Variants in CUL4A observed in about 807,000 individuals in gnomAD.
CUL4A encodes the protein cullin 4A.
A neutral mutation model predicts 95.5 loss-of-function variants in CUL4A; 16 were observed. The observed-to-expected ratio is 0.17, with a 90% CI of 0.11 to 0.25. CUL4A has a LOEUF of 0.25. Among genes scored for constraint, CUL4A ranks in the 10% least tolerant of loss-of-function variants. The probability of loss-of-function intolerance (pLI) is 1.00; values close to 1 mark genes in which losing one functional copy is unlikely to be tolerated. For missense variants in CUL4A, 610 were observed against 937.0 expected, an observed-to-expected ratio of 0.65 and a Z score of 4.56; for synonymous variants, 380 against 353.1, an observed-to-expected ratio of 1.08 and a Z score of -0.85.
Position 113,218,925 on chromosome 13 carries a change from T to C in CUL4A, c.265-20T>C, listed in dbSNP as rs746688646. 11 of 1,528,896 alleles carry C rather than the reference T, an allele frequency of 7.2e-6. No homozygotes were observed. The highest frequency in any genetic ancestry group is 3.4e-4 in the Middle Eastern group (2 of 5,880). The allele number at this position is 1,528,896 out of a possible 1,614,324, so 94.7% of individuals were successfully genotyped here. A position where few individuals can be genotyped will look rare whatever the true frequency, so the allele number is the denominator to read the frequency against. ...TCTGTTGTTCATACTGAAGAATTGA[T>C]GTAGCCCTTTTGTTTGCAGGCTGTG... On this transcript the variant is annotated intron_variant, in intron 2 of 19. Transcript: ENST00000375440.
chr13:113,226,093 T>G (rs1356478518), intron 3 of CUL4A, among the ~76,000 whole-genome samples: 1 of 152,204 alleles, frequency 6.6e-6, no homozygotes, highest in Non-Finnish European at 1.5e-5. Flanking sequence ...TTATTCCTCC[T>G]CAGGCTCTGC....
At chr13:113,232,188 TGC>T (rs756339052) in intron 5 of CUL4A, among the ~76,000 whole-genome samples, 4,718 of 7,894 alleles carry the variant, frequency 0.6, 2,108 homozygotes, top group Non-Finnish European at 0.79. Flanking sequence ...CCATTACTGC[TGC>T]CACCACTACC....
At chr13:113,217,203 G>A (rs2040726357) in intron 2 of CUL4A, among the ~76,000 whole-genome samples, 1 of 152,150 alleles carries the variant, frequency 6.6e-6, no homozygotes, top group Non-Finnish European at 1.5e-5. Flanking sequence ...AATTATGTTT[G>A]TGGGATTCAC....
intron 5 of CUL4A, among the ~76,000 whole-genome samples, chr13:113,232,052 C>G (rs987602673): frequency 4.0e-5 from 6 of 150,064 alleles, no homozygotes; most frequent in African/African-American, 1.5e-4. Context: ...CCACTACCCG[C>G]CCACCACCAT....
chr13:113,217,074 G>C (rs1000974174), intron 2 of CUL4A, among the ~76,000 whole-genome samples: 6 of 152,202 alleles, frequency 3.9e-5, no homozygotes, highest in African/African-American at 1.4e-4. Flanking sequence ...ATGGTTTTAA[G>C]GATATTGGTT....
intron 5 of CUL4A, chr13:113,230,146 T>C (rs2041260211): frequency 6.3e-6 from 1 of 158,964 alleles, no homozygotes; most frequent in South Asian, 2.0e-4. Flanking sequence ...GTCTGATTTG[T>C]CTTGTTCTCT....
chr13:113,243,176 T>G lies in CUL4A; in HGVS notation c.1228+16T>G, dbSNP rs199785827. 144 of 1,565,492 alleles carry G rather than the reference T, an allele frequency of 9.2e-5. No individual in the cohort carries two copies. The highest frequency in any genetic ancestry group is 1.4e-4 in the African/African-American group (10 of 73,510). ...GAACTGATCGGTAGAAAAATATTTG[T>G]TTTTTTTGTTTGTTTGTTTTTGAGA... On this transcript the variant is annotated intron_variant, in intron 11 of 19. Transcript: ENST00000375440.
chr13:113,214,706 T>A (rs989691024), intron 2 of CUL4A, among the ~76,000 whole-genome samples: 1 of 152,156 alleles, frequency 6.6e-6, no homozygotes, highest in African/African-American at 2.4e-5. Flanking sequence ...ACGGAGTAGT[T>A]GTCTTCATGA....
chr13:113,249,317 G>A (rs2041933877), intron 15 of CUL4A, among the ~76,000 whole-genome samples: 1 of 143,986 alleles, frequency 6.9e-6, no homozygotes, highest in Admixed American at 7.0e-5. Flanking sequence ...TCCATGCTGT[G>A]CCATACATCA....
intron 18 of CUL4A, among the ~76,000 whole-genome samples, chr13:113,259,407 G>C (rs911813265): frequency 1.3e-5 from 2 of 152,162 alleles, no homozygotes; most frequent in Non-Finnish European, 2.9e-5. Flanking sequence ...CCTTCCCCCA[G>C]CCCTCATTTC....
chr13:113,244,365 C>T (rs750755103), intron 11 of CUL4A, 45 bp from the exon 12 acceptor site: 2 of 1,385,298 alleles, frequency 1.4e-6, no homozygotes, highest in Non-Finnish European at 2.0e-6. Context: ...TGAAGATGCT[C>T]TCTTTTTCTA....
At chr13:113,224,123 T>A (rs958548863) in intron 3 of CUL4A, among the ~76,000 whole-genome samples, 1 of 152,092 alleles carries the variant, frequency 6.6e-6, no homozygotes, top group Non-Finnish European at 1.5e-5. Flanking sequence ...GAGGCCAAGG[T>A]GGGCGGATCA....
At chr13:113,244,556 T>G (rs1355353373) in intron 12 of CUL4A, 42 bp downstream of exon 12, 1 of 1,410,406 alleles carries the variant, frequency 7.1e-7, no homozygotes. Flanking sequence ...AATCAAGAGG[T>G]GTAAACAGGC....
intron 18 of CUL4A, among the ~76,000 whole-genome samples, chr13:113,258,148 C>T (rs1038991080): frequency 6.6e-6 from 1 of 152,068 alleles, no homozygotes; most frequent in African/African-American, 2.4e-5. Context: ...TGCCACCACG[C>T]CCAGCTAAAT....
At chr13:113,208,760 C>T (rs1419109322), upstream of CUL4A, 1 of 1,448,076 alleles carries the variant, frequency 6.9e-7, no homozygotes, top group East Asian at 2.7e-5. Context: ...CAGGTTGGTT[C>T]CGGAGGGAGA....
Position 113,263,625 on chromosome 13 carries a change from C to A in CUL4A, c.*43C>A. ...CCCCTTCATGAAACACTAGAATGTA[C>A]CCTCAGAGCAGGAAGCACACCTGTG... On this transcript the variant is annotated 3_prime_UTR_variant, in exon 20 of 20. Transcript: ENST00000375440. 1 of 1,263,484 alleles carries A rather than the reference C, an allele frequency of 7.9e-7. No homozygotes were observed. The highest frequency in any genetic ancestry group is 1.1e-6 in the Non-Finnish European group (1 of 886,442). 78.3% of individuals were successfully genotyped at this position (1,263,484 alleles called of 1,614,324 possible).
chr13:113,254,091 TGCA>T (rs2042061696), intron 16 of CUL4A, among the ~76,000 whole-genome samples: 2 of 152,262 alleles, frequency 1.3e-5, no homozygotes, highest in African/African-American at 4.8e-5. Context: ...CACCACCAAC[TGCA>T]GCTCTCTCCA....
At chr13:113,228,100 A>G (rs1595373525) in intron 4 of CUL4A, 55 bp downstream of exon 4, 4 of 1,306,562 alleles carry the variant, frequency 3.1e-6, no homozygotes, top group Middle Eastern at 1.8e-4. Context: ...TCCCTCACCC[A>G]CATGATTGAG....
At chr13:113,243,994 C>G (rs898003699) in intron 11 of CUL4A, among the ~76,000 whole-genome samples, 3 of 151,578 alleles carry the variant, frequency 2.0e-5, no homozygotes, top group African/African-American at 7.2e-5. Flanking sequence ...TGCTTTCACC[C>G]TGCGTTGCCA....
Sources: allele counts gnomAD v4.1 joint callset (sites outside exome capture counted in the v4.1 genomes callset), GRCh38; gene constraint gnomAD v4.1.1; transcripts MANE v1.5; gene names NCBI Gene and HGNC (gene_info 2026-07-23, HGNC 2026-07-21).